The following PKHD1L1 variants were observed in gnomAD, a reference collection of about 807,000 sequenced individuals.
The protein encoded by PKHD1L1 is fibrocystin-L.
In PKHD1L1, 434 loss-of-function variants were observed where a neutral mutation model predicts 462.9. That is an observed-to-expected ratio of 0.94 (90% CI 0.87 to 1.02). PKHD1L1 has a LOEUF of 1.02. PKHD1L1 is among the 50% of genes least tolerant of loss of function. PKHD1L1 has a pLI of 0.00. For missense variants in PKHD1L1, 5,202 were observed against 5,096.1 expected (o/e 1.02, Z -0.63); for synonymous variants, 1,781 against 1,750.0 (o/e 1.02, Z -0.44).
chr8:109,364,444 C>A, intron 1 of PKHD1L1, 103 bp from the exon 2 acceptor site: 1 of 810,204 alleles, frequency 1.2e-6, no homozygotes, highest in Non-Finnish European at 2.0e-6. Context: ...CTGTAAACTT[C>A]ATAATGTTTT....
chr8:109,464,826 G>A lies in PKHD1L1; in HGVS notation c.7994G>A (p.Gly2665Glu). ...NCQKGAEWVN[G>E]GALQFHNFVM... ...CAAAAAGGAGCTGAATGGGTCAATG[G>A]AGGTGCCCTTCAGTTCCATAACTTT... The change falls in exon 49 of 78, where the codon GGA becomes GAA. Residue 2665 changes from glycine (G) to glutamate (E), a missense_variant. Gly to Glu is a moderately conservative substitution (Grantham distance 98). This residue lies in a region of PKHD1L1 where 4,497 missense variants were observed against 4,336.8 expected (regional missense o/e 1.04). Coordinates refer to ENST00000378402, the MANE Select transcript of PKHD1L1 (RefSeq NM_177531.6). 6.2e-7 allele frequency: 1 copy of A among 1,613,810 alleles called. No individual in the cohort carries two copies. The highest frequency in any genetic ancestry group is 8.5e-7 in the Non-Finnish European group (1 of 1,179,800).
chr8:109,407,189 A>G (rs1329367019), intron 17 of PKHD1L1, among the ~76,000 whole-genome samples: 1 of 152,146 alleles, frequency 6.6e-6, no homozygotes. Flanking sequence ...GTTTTTCAAT[A>G]TGTAAGTAAA....
chr8:109,446,500 C>A (rs1040453195), intron 38 of PKHD1L1, among the ~76,000 whole-genome samples: 3 of 152,076 alleles, frequency 2.0e-5, no homozygotes, highest in African/African-American at 4.8e-5. Flanking sequence ...TAAATGTTAA[C>A]CTTTTAGAAA....
intron 39 of PKHD1L1, among the ~76,000 whole-genome samples, chr8:109,448,926 TG>T (rs1816323745): frequency 6.6e-6 from 1 of 152,162 alleles, no homozygotes; most frequent in South Asian, 2.1e-4. Context: ...TAGACATCAC[TG>T]GTATGTAATT....
intron 2 of PKHD1L1, 79 bp from the exon 3 acceptor site, chr8:109,381,291 A>G: frequency 1.7e-6 from 2 of 1,186,888 alleles, no homozygotes; most frequent in South Asian, 2.8e-5. Context: ...TTACTGCATG[A>G]TTTGATACTA....
At chr8:109,454,632 A>T in intron 44 of PKHD1L1, 91 bp from the exon 45 acceptor site, 1 of 1,503,876 alleles carries the variant, frequency 6.6e-7, no homozygotes. Context: ...TCAAAAGAGA[A>T]GAGAGGATAG....
rs200546770 is a variant in PKHD1L1 at position 109,382,431 on chromosome 8, C to A, written c.309-32C>A. ...TATACACTAAATAAGAGAGGAATTG[C>A]ATGTCTCATATATTCTTCATTTTCT... On this transcript the variant is annotated intron_variant, in intron 3 of 77. Coordinates refer to ENST00000378402, the MANE Select transcript of PKHD1L1 (RefSeq NM_177531.6). 1.4e-4 allele frequency: 208 copies of A among 1,528,184 alleles called. 1 individual carries two copies. In the African/African-American group the frequency reaches 2.8e-3, roughly 20 times the overall value. The allele number at this position is 1,528,184 out of a possible 1,614,324, so 94.7% of individuals were successfully genotyped here. A position where few individuals can be genotyped will look rare whatever the true frequency, so the allele number is the denominator to read the frequency against.
chr8:109,491,027 C>T lies in PKHD1L1; in HGVS notation c.10040C>T (p.Ser3347Phe), dbSNP rs778762522. The T allele has an allele frequency of 3.1e-6, 5 of 1,610,064 alleles. No homozygotes were observed. The highest frequency in any genetic ancestry group is 2.2e-5 in the South Asian group (2 of 90,884). ...GGCTGTGCTTTTCACCATGGCTTCT[C>T]TCCAGCAATTGGTGTATTTGGGACA... ...IRGCAFHHGF[S>F]PAIGVFGTDG... The change falls in exon 61 of 78, where the codon TCT becomes TTT. Residue 3347 changes from serine (S) to phenylalanine (F), a missense_variant. Physicochemically the swap from Ser to Phe is radical, Grantham distance 155 (BLOSUM62 -2). Transcript: ENST00000378402.
At chr8:109,412,157 G>C (rs1813889169) in intron 19 of PKHD1L1, 108 bp from the exon 20 acceptor site, 2 of 1,052,656 alleles carry the variant, frequency 1.9e-6, no homozygotes, top group East Asian at 2.5e-5. Flanking sequence ...AAAGTAATCA[G>C]GGAAACAATG....
chr8:109,405,121 G>A lies in PKHD1L1; in HGVS notation c.1660G>A (p.Glu554Lys), dbSNP rs540931167. 8 of 1,458,856 alleles carry A rather than the reference G, an allele frequency of 5.5e-6. No homozygotes were observed. The highest frequency in any genetic ancestry group is 7.5e-6 in the Non-Finnish European group (8 of 1,067,916). 90.4% of individuals were successfully genotyped at this position (1,458,856 alleles called of 1,614,324 possible). ...LYQYRLIYNM[E>K]KTVFLPADAS... Reference sequence around the variant, plus strand: ...CCAATATAGATTAATCTATAATATGGAAAAAACTGGTAAGTTATAAATAAT... The same window carrying A: ...CCAATATAGATTAATCTATAATATGAAAAAAACTGGTAAGTTATAAATAAT... Residue 554 changes from glutamate (E) to lysine (K), a missense_variant, in exon 16 of 78, where the codon GAA becomes AAA. This residue lies in a region of PKHD1L1 where 4,497 missense variants were observed against 4,336.8 expected (regional missense o/e 1.04). Transcript: ENST00000378402.
intron 6 of PKHD1L1, among the ~76,000 whole-genome samples, chr8:109,387,008 C>T (rs1812477779): frequency 6.6e-6 from 1 of 152,104 alleles, no homozygotes; most frequent in African/African-American, 2.4e-5. Context: ...TTTTTTCACA[C>T]ATCTATTAAT....
intron 71 of PKHD1L1, among the ~76,000 whole-genome samples, chr8:109,513,752 C>T (rs1476403964): frequency 1.3e-5 from 2 of 152,098 alleles, no homozygotes; most frequent in Non-Finnish European, 2.9e-5. Context: ...CTTTTGCTCA[C>T]ATTCCTCATC....
chr8:109,414,503 T>C (rs1468652054), intron 21 of PKHD1L1, among the ~76,000 whole-genome samples: 1 of 152,208 alleles, frequency 6.6e-6, no homozygotes, highest in Non-Finnish European at 1.5e-5. Flanking sequence ...TTTTTGCTTT[T>C]TCTTCTGTTA....
intron 28 of PKHD1L1, 53 bp downstream of exon 28, chr8:109,433,269 G>A (rs2130704620): frequency 7.9e-7 from 1 of 1,268,824 alleles, no homozygotes; most frequent in Non-Finnish European, 1.1e-6. Context: ...AAGATAAAGT[G>A]GAATCAAAGG....
chr8:109,465,997 C>G (rs182734835), intron 49 of PKHD1L1, among the ~76,000 whole-genome samples: 1 of 152,250 alleles, frequency 6.6e-6, no homozygotes, highest in Non-Finnish European at 1.5e-5. Context: ...AGTCAATCGA[C>G]AGGTAAACCT....
At chr8:109,432,262 T>A (rs76427836) in intron 27 of PKHD1L1, among the ~76,000 whole-genome samples, 5,093 of 152,230 alleles carry the variant, frequency 0.033, 113 homozygotes, top group African/African-American at 0.057. Flanking sequence ...ACAAAAAGAT[T>A]TAAGTCATTG....
At chr8:109,521,791 A>C (rs1359515392) in intron 73 of PKHD1L1, among the ~76,000 whole-genome samples, 1 of 152,206 alleles carries the variant, frequency 6.6e-6, no homozygotes, top group Admixed American at 6.5e-5. Context: ...CGATTCTAAC[A>C]ATCCTTCCAT....
chr8:109,477,484 T>TTA, intron 53 of PKHD1L1, 88 bp downstream of exon 53: 1 of 1,237,348 alleles, frequency 8.1e-7, no homozygotes, highest in Non-Finnish European at 1.1e-6. Flanking sequence ...TAATAATGCT[T>TTA]TACTCTTGCA....
intron 77 of PKHD1L1, among the ~76,000 whole-genome samples, chr8:109,529,089 G>C (rs1820955627): frequency 6.6e-6 from 1 of 152,158 alleles, no homozygotes; most frequent in South Asian, 2.1e-4. Flanking sequence ...GCCAAGACTA[G>C]ATTTTAAATT....
Sources: gnomAD v4.1 joint callset for allele counts (sites outside exome capture counted in the v4.1 genomes callset) on GRCh38, gnomAD v4.1.1 for gene constraint, gnomAD v4.1.1 regional missense constraint, MANE v1.5 for transcripts, NCBI Gene and HGNC (gene_info 2026-07-23, HGNC 2026-07-21) for gene names.